LRRK1: variants seen among roughly 807,000 people sequenced by gnomAD.
LRRK1 encodes leucine rich repeat kinase 1.
A neutral mutation model predicts 209.1 loss-of-function variants in LRRK1; 113 were observed. That is an observed-to-expected ratio of 0.54 (90% CI 0.46 to 0.63). The LOEUF (loss-of-function observed/expected upper bound fraction) is 0.63, where lower values mean the gene tolerates loss of function less well. Among genes scored for constraint, LRRK1 ranks in the 30% least tolerant of loss-of-function variants. The pLI is 0.00. For missense variants in LRRK1, 2,284 were observed against 2,632.2 expected, an observed-to-expected ratio of 0.87 and a Z score of 2.89; for synonymous variants, 1,144 against 1,099.7, an observed-to-expected ratio of 1.04 and a Z score of -0.80.
At chr15:101,058,918 G>A (rs2035988675) in intron 29 of LRRK1, among the ~76,000 whole-genome samples, 1 of 152,232 alleles carries the variant, frequency 6.6e-6, no homozygotes, top group Admixed American at 6.5e-5. Context: ...GGCATCTGGA[G>A]TGTGACCTTT....
At chr15:101,066,241 C>G (rs754543159) in intron 32 of LRRK1, 36 bp downstream of exon 32, 4 of 1,567,552 alleles carry the variant, frequency 2.6e-6, no homozygotes, top group Non-Finnish European at 3.5e-6. Flanking sequence ...ATCCAGGGCA[C>G]GCCCACTGCT....
At chr15:101,047,406 T>G (rs2035144173) in intron 21 of LRRK1, among the ~76,000 whole-genome samples, 1 of 152,198 alleles carries the variant, frequency 6.6e-6, no homozygotes. Context: ...CCCTTTGAAC[T>G]CTGTGTGCCG....
At chr15:100,989,661 A>C in intron 6 of LRRK1, 2 of 577,160 alleles carry the variant, frequency 3.5e-6, no homozygotes, top group South Asian at 4.6e-5. Flanking sequence ...ACCCACTTCC[A>C]CAATAACAAC....
chr15:101,065,708 G>A lies in LRRK1; in HGVS notation c.5271G>A (p.Lys1757=), dbSNP rs1567290670. ...GEEVVWCLDD[K]ANSLVMYHST... is the part of the protein sequence containing the mutation. ...AGGTCGTCTGGTGCCTGGATGACAA[G>A]GCCAACTCCTTGGTGATGTACCACT... The change falls in exon 32 of 34, where the codon AAG becomes AAA. Residue 1757 remains lysine (K), a synonymous_variant. Transcript: ENST00000388948. The A allele has an allele frequency of 6.2e-7, 1 of 1,614,152 alleles. No individual in the cohort carries two copies.
chr15:101,066,287 G>A (rs902033001), intron 32 of LRRK1, 82 bp downstream of exon 32: 158 of 1,500,296 alleles, frequency 1.1e-4, no homozygotes, highest in Non-Finnish European at 1.2e-4. Context: ...AAGCCCCCTG[G>A]CTTCCTTACA....
chr15:101,071,870 T>C lies in LRRK1; in HGVS notation c.*3022T>C, dbSNP rs1020489247. 5 of 152,220 alleles carry C rather than the reference T, an allele frequency of 3.3e-5. No homozygotes were observed. Among genetic ancestry groups the C allele is most frequent in the African/African-American group, 9.7e-5 (4 of 41,432 alleles). 9.4% of individuals were successfully genotyped at this position (152,220 alleles called of 1,614,324 possible). On this transcript the variant is annotated 3_prime_UTR_variant, in exon 34 of 34. Transcript: ENST00000388948. ...TGCACCAGGAGGTACAATGTGAGAC[T>C]GAGGAATGGGAAGAAGGCATTCCAT...
chr15:101,008,745 C>A, intron 6 of LRRK1, 92 bp from the exon 7 acceptor site: 1 of 972,188 alleles, frequency 1.0e-6, no homozygotes, highest in Non-Finnish European at 1.6e-6. Flanking sequence ...GGCACACAGA[C>A]GCGCATTTGC....
intron 2 of LRRK1, among the ~76,000 whole-genome samples, chr15:100,962,823 A>ATATATACATATATATATATATATATATAT: frequency 1.7e-4 from 2 of 11,548 alleles, no homozygotes; most frequent in African/African-American, 5.0e-4. Flanking sequence ...ATATATATAT[A>ATATATACATATATATATATATATATATAT]TTTTTTTTTT....
chr15:100,962,723 A>AT (rs2030080101), intron 2 of LRRK1, among the ~76,000 whole-genome samples: 1 of 146,840 alleles, frequency 6.8e-6, no homozygotes, highest in Non-Finnish European at 1.5e-5. Context: ...TCATAGACTC[A>AT]TTAGGGACCT....
At chr15:101,023,022 C>T (rs2033869277) in intron 15 of LRRK1, among the ~76,000 whole-genome samples, 1 of 152,138 alleles carries the variant, frequency 6.6e-6, no homozygotes. Context: ...CACCTCACTG[C>T]TCTCTGACCC....
At chr15:100,985,589 C>A (rs1325776327) in intron 4 of LRRK1, among the ~76,000 whole-genome samples, 1 of 152,144 alleles carries the variant, frequency 6.6e-6, no homozygotes, top group Non-Finnish European at 1.5e-5. Context: ...TGACATCTGA[C>A]CTGGGCTTTG....
chr15:100,983,874 C>T (rs1330898743), intron 4 of LRRK1, 175 bp downstream of exon 4: 1 of 764,686 alleles, frequency 1.3e-6, no homozygotes, highest in African/African-American at 1.7e-5. Context: ...CCACCTCTCA[C>T]TCCCATGAAC....
At chr15:100,923,857 G>C (rs923524338) in intron 1 of LRRK1, among the ~76,000 whole-genome samples, 1 of 152,162 alleles carries the variant, frequency 6.6e-6, no homozygotes, top group Admixed American at 6.5e-5. Context: ...GCCAAGTTGT[G>C]GCAACCAAAA....
chr15:100,952,719 T>C (rs553305240), intron 2 of LRRK1, among the ~76,000 whole-genome samples: 2 of 152,254 alleles, frequency 1.3e-5, no homozygotes, highest in African/African-American at 4.8e-5. Flanking sequence ...CTTGTCAGGC[T>C]TTCAGGTACA....
chr15:100,992,366 T>G (rs1050732177), intron 6 of LRRK1, among the ~76,000 whole-genome samples: 1 of 152,212 alleles, frequency 6.6e-6, no homozygotes, highest in Non-Finnish European at 1.5e-5. Flanking sequence ...GGTAGAAAAT[T>G]ATCCATTTCC....
At position 101,069,014 on chromosome 15, in the gene LRRK1, C is replaced by A; in HGVS notation, c.*166C>A. 1 of 601,590 alleles carries A rather than the reference C, an allele frequency of 1.7e-6. No individual in the cohort carries two copies. The highest frequency in any genetic ancestry group is 2.7e-6 in the Non-Finnish European group (1 of 372,654). 37.3% of individuals were successfully genotyped at this position (601,590 alleles called of 1,614,324 possible). Reference sequence around the variant, plus strand: ...TGAGAAGTTACTCGCCTGGCGGTGGCTCCAGGGTTCTCTGGTTCTCTGGAG... The same window carrying A: ...TGAGAAGTTACTCGCCTGGCGGTGGATCCAGGGTTCTCTGGTTCTCTGGAG... On this transcript the variant is annotated 3_prime_UTR_variant, in exon 34 of 34. Coordinates refer to ENST00000388948, the MANE Select transcript of LRRK1 (RefSeq NM_024652.6).
chr15:100,978,768 C>A (rs1254593486), intron 3 of LRRK1, among the ~76,000 whole-genome samples: 2 of 152,062 alleles, frequency 1.3e-5, no homozygotes, highest in East Asian at 3.8e-4. Flanking sequence ...TAAACTTCCC[C>A]AAAAAATAAA....
At chr15:101,049,053 C>G (rs2035242752) in intron 22 of LRRK1, among the ~76,000 whole-genome samples, 1 of 152,178 alleles carries the variant, frequency 6.6e-6, no homozygotes, top group Admixed American at 6.5e-5. Flanking sequence ...GCTGAGACTC[C>G]TCAGCCCCCA....
At chr15:100,955,410 A>C (rs751279152) in intron 2 of LRRK1, among the ~76,000 whole-genome samples, 6 of 152,248 alleles carry the variant, frequency 3.9e-5, no homozygotes, top group African/African-American at 1.4e-4. Context: ...TGGAGTCTTT[A>C]GGTTTTCTGC....
Sources: gnomAD v4.1 joint callset for allele counts (sites outside exome capture counted in the v4.1 genomes callset) on GRCh38, gnomAD v4.1.1 for gene constraint, MANE v1.5 for transcripts, NCBI Gene and HGNC (gene_info 2026-07-23, HGNC 2026-07-21) for gene names.